Variants in RPS8 observed in about 807,000 individuals in gnomAD.
RPS8 encodes the protein small ribosomal subunit protein eS8.
For missense variants in RPS8, 141 were observed against 269.7 expected, an observed-to-expected ratio of 0.52 and a Z score of 3.34; for synonymous variants, 100 against 100.7, an observed-to-expected ratio of 0.99 and a Z score of 0.04.
rs773875567 is a variant in RPS8, at chr1:44,777,711, C to T, written c.309C>T (p.Leu103=). The change falls in exon 4 of 6, where the codon CTC becomes CTT. Residue 103 remains leucine (L), a synonymous_variant. Transcript: ENST00000396651. ...CCCTGGTGAAGAATTGCATCGTGCT[C>T]ATCGACAGCACACCGTACCGACAGT... ...TKTLVKNCIV[L]IDSTPYRQWY... The T allele has an allele frequency of 3.1e-6, 5 of 1,614,056 alleles. No individual in the cohort carries two copies. Among genetic ancestry groups the T allele is most frequent in the South Asian group, 1.1e-5 (1 of 91,074 alleles).
chr1:44,778,725 T>C lies in RPS8; in HGVS notation c.*40T>C. 7.3e-7 allele frequency: 1 copy of C among 1,373,924 alleles called. No individual in the cohort carries two copies. The highest frequency in any genetic ancestry group is 1.0e-6 in the Non-Finnish European group (1 of 984,904). 85.1% of individuals were successfully genotyped at this position (1,373,924 alleles called of 1,614,324 possible). On this transcript the variant is annotated 3_prime_UTR_variant, in exon 6 of 6. Coordinates refer to ENST00000396651, the MANE Select transcript of RPS8 (RefSeq NM_001012.2). ...TTCACCCATGTAATAAAGGTGTTTA[T>C]TGTTTTGTTCCCACATTTATGTTGC...
Position 44,777,990 on chromosome 1 carries a change from C to A in RPS8, c.388-10C>A. 1 of 1,613,458 alleles carries A rather than the reference C, an allele frequency of 6.2e-7. No individual in the cohort carries two copies. The highest frequency in any genetic ancestry group is 1.1e-5 in the South Asian group (1 of 90,758). ...TTCCCTGAGCTCATATATTTGTATCCCCTTTTCAGACTCCTGAGGAAGAAG... is the reference window on the plus strand; with the variant it reads ...TTCCCTGAGCTCATATATTTGTATCACCTTTTCAGACTCCTGAGGAAGAAG... On this transcript the variant is annotated splice_polypyrimidine_tract_variant and intron_variant, in intron 4 of 5. Coordinates refer to ENST00000396651, the MANE Select transcript of RPS8 (RefSeq NM_001012.2).
intron 3 of RPS8, chr1:44,777,398 C>T (rs1397406835): frequency 1.4e-5 from 8 of 561,244 alleles, no homozygotes; most frequent in Non-Finnish European, 1.6e-5. Context: ...ACTCTGCAGC[C>T]TGAGAGATTG....
chr1:44,777,955 C>T (rs369140871), intron 4 of RPS8, 45 bp from the exon 5 acceptor site: 5 of 1,612,194 alleles, frequency 3.1e-6, no homozygotes, highest in East Asian at 2.2e-5. Flanking sequence ...GCTCCCAGGG[C>T]CTGCCTTCCT....
At chr1:44,776,190 C>T in intron 2 of RPS8, 50 bp downstream of exon 2, 1 of 1,320,426 alleles carries the variant, frequency 7.6e-7, no homozygotes, top group Non-Finnish European at 1.0e-6. Flanking sequence ...TTCCCCCGCT[C>T]TCCAGCGTGC....
chr1:44,777,660 T>C lies in RPS8; in HGVS notation c.258T>C (p.Ser86=). The C allele has an allele frequency of 6.2e-7, 1 of 1,613,984 alleles. No homozygotes were observed. The highest frequency in any genetic ancestry group is 8.5e-7 in the Non-Finnish European group (1 of 1,179,846). ...TCATCGATGTTGTCTACAATGCATC[T>C]AATAACGAGCTGGTTCGTACCAAGA... The part of the protein sequence containing the change: ...TRIIDVVYNA[S]NNELVRTKTL... Residue 86 remains serine (S), a synonymous_variant, in exon 4 of 6, where the codon TCT becomes TCC. Transcript: ENST00000396651.
rs372520487 is a variant in RPS8 at position 44,776,179 on chromosome 1, C to T, written c.111+39C>T. On this transcript the variant is annotated intron_variant, in intron 2 of 5. Coordinates refer to ENST00000396651, the MANE Select transcript of RPS8 (RefSeq NM_001012.2). ...TGGGCCTGTCCGCCTGGGAGGTCGC[C>T]TTCCCCCGCTCTCCAGCGTGCTCGG... The T allele has an allele frequency of 1.1e-4, 161 of 1,432,000 alleles. 2 individuals carry two copies. The African/African-American group carries it at 2.3e-3, about 20-fold the overall frequency. The allele number at this position is 1,432,000 out of a possible 1,614,324, so 88.7% of individuals were successfully genotyped here.
In RPS8 at chr1:44,775,557, G is replaced by A. The variant is rs1650811218; in HGVS notation, c.-40G>A. 2.5e-6 allele frequency: 4 copies of A among 1,613,962 alleles called. No homozygotes were observed. The highest frequency in any genetic ancestry group is 2.2e-5 in the South Asian group (2 of 91,080). ...GGGGCAGCGTTTTACAAACCGAACC[G>A]TGAATCTTTGCGGTTTCTCTTTCCA... On this transcript the variant is annotated 5_prime_UTR_variant, in exon 1 of 6. The change creates a new upstream start codon in the 5' untranslated region. Coordinates refer to ENST00000396651, the MANE Select transcript of RPS8 (RefSeq NM_001012.2).
rs561515973 is a variant in RPS8, at chr1:44,776,964, G to A, written c.211+190G>A. 24 of 517,898 alleles carry A rather than the reference G, an allele frequency of 4.6e-5. No homozygotes were observed. The East Asian group carries it at 7.3e-4, about 16-fold the overall frequency. The allele number at this position is 517,898 out of a possible 1,614,324, so 32.1% of individuals were successfully genotyped here. The stretch of plus-strand genomic sequence containing the variant: ...GAGCGAGACTCTCAGTAAAAAAAAA[G>A]ATTCAAGTGCTTTTAGCAAGTAGTC... On this transcript the variant is annotated intron_variant, in intron 3 of 5. Transcript: ENST00000396651.
In RPS8 at chr1:44,776,194, A is replaced by G. The variant is rs1467208998; in HGVS notation, c.111+54A>G. The G allele has an allele frequency of 7.6e-6, 10 of 1,316,918 alleles. No individual in the cohort carries two copies. In the East Asian group the frequency reaches 1.9e-4, roughly 25 times the overall value. The allele number at this position is 1,316,918 out of a possible 1,614,324, so 81.6% of individuals were successfully genotyped here. On this transcript the variant is annotated intron_variant, in intron 2 of 5. Coordinates refer to ENST00000396651, the MANE Select transcript of RPS8 (RefSeq NM_001012.2). ...GGGAGGTCGCCTTCCCCCGCTCTCC[A>G]GCGTGCTCGGGTCTTTCCGTGTGAC...
chr1:44,776,946 ACT>A (rs1316628940), intron 3 of RPS8, 172 bp downstream of exon 3: 6 of 538,602 alleles, frequency 1.1e-5, no homozygotes, highest in South Asian at 2.5e-5. Context: ...ACAGAGCGAG[ACT>A]CTCAGTAAAA....
intron 2 of RPS8, 79 bp downstream of exon 2, chr1:44,776,219 C>G (rs78902799): frequency 9.8e-7 from 1 of 1,019,328 alleles, no homozygotes; most frequent in Admixed American, 2.8e-5. Flanking sequence ...TTCCGTGTGA[C>G]AGTTGTGCGT....
Position 44,776,969 on chromosome 1 carries a change from A to G in RPS8, c.211+195A>G, listed in dbSNP as rs575219546. On this transcript the variant is annotated intron_variant, in intron 3 of 5. Coordinates refer to ENST00000396651, the MANE Select transcript of RPS8 (RefSeq NM_001012.2). Reference sequence around the variant, plus strand: ...AGACTCTCAGTAAAAAAAAAGATTCAAGTGCTTTTAGCAAGTAGTCTGTGG... The same window carrying G: ...AGACTCTCAGTAAAAAAAAAGATTCGAGTGCTTTTAGCAAGTAGTCTGTGG... 1.1e-4 allele frequency: 58 copies of G among 511,134 alleles called. 1 individual carries two copies. Among genetic ancestry groups the G allele is most frequent in the Admixed American group, 5.4e-4 (14 of 25,952 alleles). The allele number at this position is 511,134 out of a possible 1,614,324, so 31.7% of individuals were successfully genotyped here.
At chr1:44,775,930 G>A (rs1261368006) in intron 1 of RPS8, 104 bp from the exon 2 acceptor site, 1 of 1,076,112 alleles carries the variant, frequency 9.3e-7, no homozygotes. Flanking sequence ...CAACCTTGGA[G>A]AGCTGAGCGT....
At position 44,777,726 on chromosome 1, in the gene RPS8, G is replaced by A. The variant is rs78279677; in HGVS notation, c.324G>A (p.Pro108=). 10 of 1,614,074 alleles carry A rather than the reference G, an allele frequency of 6.2e-6. No homozygotes were observed. In the African/African-American group the frequency reaches 6.7e-5, roughly 11 times the overall value. ...KNCIVLIDST[P]YRQWYESHYA... ...GCATCGTGCTCATCGACAGCACACC[G>A]TACCGACAGTGGTACGAGTCCCACT... Residue 108 remains proline (P), a synonymous_variant, in exon 4 of 6, where the codon CCG becomes CCA. Transcript: ENST00000396651.
At chr1:44,775,780 G>C in intron 1 of RPS8, 180 bp downstream of exon 1, 1 of 924,200 alleles carries the variant, frequency 1.1e-6, no homozygotes, top group Non-Finnish European at 1.7e-6. Flanking sequence ...GAAGGCTCTG[G>C]GCTCCGGGTT....
At position 44,775,560 on chromosome 1, in the gene RPS8, A is replaced by G; in HGVS notation, c.-37A>G. ...GCAGCGTTTTACAAACCGAACCGTG[A>G]ATCTTTGCGGTTTCTCTTTCCAGCC... On this transcript the variant is annotated 5_prime_UTR_variant, in exon 1 of 6. Coordinates refer to ENST00000396651, the MANE Select transcript of RPS8 (RefSeq NM_001012.2). 5 of 1,614,006 alleles carry G rather than the reference A, an allele frequency of 3.1e-6. No individual in the cohort carries two copies. Among genetic ancestry groups the G allele is most frequent in the Non-Finnish European group, 4.2e-6 (5 of 1,179,872 alleles).
chr1:44,776,065 C>T lies in RPS8; in HGVS notation c.36C>T (p.Arg12=). 6.2e-7 allele frequency: 1 copy of T among 1,611,590 alleles called. No homozygotes were observed. Among genetic ancestry groups the T allele is most frequent in the South Asian group, 1.1e-5 (1 of 90,964 alleles). Residue 12 remains arginine (R), a synonymous_variant, in exon 2 of 6, where the codon CGC becomes CGT. Coordinates refer to ENST00000396651, the MANE Select transcript of RPS8 (RefSeq NM_001012.2). ...CTCGGGACAACTGGCACAAGCGCCGCAAAACCGGGGGCAAGAGAAAGCCCT... is the reference window on the plus strand; with the variant it reads ...CTCGGGACAACTGGCACAAGCGCCGTAAAACCGGGGGCAAGAGAAAGCCCT... ...GISRDNWHKR[R]KTGGKRKPYH...
At chr1:44,775,919 C>A (rs751996588) in intron 1 of RPS8, 115 bp from the exon 2 acceptor site, 14 of 1,015,386 alleles carry the variant, frequency 1.4e-5, no homozygotes, top group Non-Finnish European at 1.9e-5. Context: ...GGTGGGGAAG[C>A]CAACCTTGGA....
Sources: allele counts gnomAD v4.1 joint callset, GRCh38; gene constraint gnomAD v4.1.1; transcripts MANE v1.5; gene names NCBI Gene and HGNC (gene_info 2026-07-23, HGNC 2026-07-21).